ATP6V1H: variants seen among roughly 807,000 people sequenced by gnomAD.
The protein encoded by ATP6V1H is V-type proton ATPase subunit H.
Under a neutral mutation model 71.7 loss-of-function variants are expected in ATP6V1H, and 39 were observed. The ratio of observed to expected loss-of-function variants is 0.54; its 90% CI spans 0.42 to 0.71. The LOEUF is 0.71. Ranked by LOEUF, ATP6V1H falls within the 30% of genes least tolerant of loss-of-function variation. The pLI, the probability that ATP6V1H is intolerant of heterozygous loss-of-function variation, is 0.00. For synonymous variants in ATP6V1H, 192 were observed against 199.3 expected, an observed-to-expected ratio of 0.96 and a Z score of 0.31; for missense variants, 509 against 594.9, an observed-to-expected ratio of 0.86 and a Z score of 1.50.
At chr8:53,792,555 G>A (rs4236945) in intron 9 of ATP6V1H, among the ~76,000 whole-genome samples, 13,670 of 152,038 alleles carry the variant, frequency 0.09, 953 homozygotes, top group East Asian at 0.37. Context: ...TCCTTTTCAC[G>A]TTTCCCCCTT....
At chr8:53,755,592 A>G (rs1807983628) in intron 12 of ATP6V1H, among the ~76,000 whole-genome samples, 1 of 146,170 alleles carries the variant, frequency 6.8e-6, no homozygotes, top group Admixed American at 6.8e-5. Flanking sequence ...TACAAATAGT[A>G]AGACAAAAAA....
At chr8:53,769,034 G>C (rs1336030808) in intron 11 of ATP6V1H, among the ~76,000 whole-genome samples, 1 of 151,996 alleles carries the variant, frequency 6.6e-6, no homozygotes, top group Non-Finnish European at 1.5e-5. Flanking sequence ...AAATGGGGCT[G>C]GTTCAATTAG....
At chr8:53,732,290 C>G (rs908453054) in intron 13 of ATP6V1H, among the ~76,000 whole-genome samples, 1 of 152,052 alleles carries the variant, frequency 6.6e-6, no homozygotes, top group Non-Finnish European at 1.5e-5. Context: ...AGTAAGCCCA[C>G]CCTGCTAGGA....
chr8:53,841,673 G>C lies in ATP6V1H; in HGVS notation c.18C>G (p.Ile6Met). The C allele has an allele frequency of 6.2e-7, 1 of 1,613,750 alleles. No homozygotes were observed. Among genetic ancestry groups the C allele is most frequent in the South Asian group, 1.1e-5 (1 of 91,036 alleles). The change falls in exon 2 of 14, where the codon ATC becomes ATG. Residue 6 changes from isoleucine to methionine, a missense_variant. Around this residue, in one of 2 missense-constraint regions of ATP6V1H, gnomAD observed 297 missense variants for 303.3 expected, o/e 0.98. Coordinates refer to ENST00000359530, the MANE Select transcript of ATP6V1H (RefSeq NM_015941.4). MTKMD[I>M]RGAVDAAVPT... ...GGACAGCAGCATCCACAGCACCTCG[G>C]ATATCCATTTTGGTCATCTAAACTT...
chr8:53,717,608 G>C (rs983105272), intron 13 of ATP6V1H, among the ~76,000 whole-genome samples: 4 of 152,166 alleles, frequency 2.6e-5, no homozygotes, highest in African/African-American at 7.2e-5. Flanking sequence ...AAGGCTGAAA[G>C]GGAAGCCATC....
intron 9 of ATP6V1H, among the ~76,000 whole-genome samples, chr8:53,784,889 G>A (rs1331245162): frequency 6.6e-6 from 1 of 152,180 alleles, no homozygotes; most frequent in African/African-American, 2.4e-5. Flanking sequence ...TGCTTGTAGA[G>A]TTTCTGCCGA....
intron 13 of ATP6V1H, among the ~76,000 whole-genome samples, chr8:53,741,454 AAAATAAAACT>A (rs1400820208): frequency 6.6e-6 from 1 of 152,256 alleles, no homozygotes; most frequent in African/African-American, 2.4e-5. Flanking sequence ...ACACAATGGG[AAAATAAAACT>A]TTGACTTTCA....
At chr8:53,836,186 T>G (rs1201990500) in intron 2 of ATP6V1H, among the ~76,000 whole-genome samples, 1 of 152,138 alleles carries the variant, frequency 6.6e-6, no homozygotes, top group Non-Finnish European at 1.5e-5. Flanking sequence ...AGCACACTGA[T>G]AAACCTGAAC....
intron 12 of ATP6V1H, chr8:53,756,245 CT>C (rs201116200): frequency 0.088 from 11,421 of 130,280 alleles, 564 homozygotes; most frequent in East Asian, 0.35. Context: ...TAATTTTTTT[CT>C]TTTTTTTTTT....
intron 12 of ATP6V1H, among the ~76,000 whole-genome samples, chr8:53,755,744 A>C (rs371433553): frequency 2.4e-4 from 1 of 4,100 alleles, no homozygotes; most frequent in African/African-American, 9.3e-4. Flanking sequence ...ATATATATAT[A>C]TTTTTTTTTT....
chr8:53,719,472 T>G (rs958148866), intron 13 of ATP6V1H, among the ~76,000 whole-genome samples: 13 of 152,216 alleles, frequency 8.5e-5, no homozygotes, highest in Non-Finnish European at 1.0e-4. Context: ...TAAAATACTA[T>G]AGCTTGCTCC....
intron 11 of ATP6V1H, 107 bp from the exon 12 acceptor site, chr8:53,756,763 T>C (rs1241594598): frequency 3.0e-6 from 2 of 671,996 alleles, no homozygotes; most frequent in African/African-American, 3.6e-5. Context: ...CATTTATTAA[T>C]ATATTCATAT....
intron 9 of ATP6V1H, among the ~76,000 whole-genome samples, chr8:53,778,343 T>C (rs1323303374): frequency 6.6e-6 from 1 of 152,198 alleles, no homozygotes; most frequent in Non-Finnish European, 1.5e-5. Flanking sequence ...TTGGGAACAT[T>C]TGAATTATTA....
At chr8:53,791,206 A>C (rs1284348392) in intron 9 of ATP6V1H, among the ~76,000 whole-genome samples, 1 of 152,198 alleles carries the variant, frequency 6.6e-6, no homozygotes, top group Non-Finnish European at 1.5e-5. Flanking sequence ...AAGAAGAATC[A>C]GCTCTTATTC....
intron 12 of ATP6V1H, among the ~76,000 whole-genome samples, chr8:53,750,430 A>G (rs1415803655): frequency 6.6e-6 from 1 of 152,234 alleles, no homozygotes; most frequent in Non-Finnish European, 1.5e-5. Context: ...CTCACTTAAC[A>G]TCAATAGGTT....
At chr8:53,840,454 C>T (rs944541881) in intron 2 of ATP6V1H, among the ~76,000 whole-genome samples, 7 of 151,814 alleles carry the variant, frequency 4.6e-5, no homozygotes, top group Non-Finnish European at 1.0e-4. Flanking sequence ...GCCAAGACTG[C>T]CCCACTGTAC....
intron 7 of ATP6V1H, among the ~76,000 whole-genome samples, chr8:53,803,108 G>A (rs960752674): frequency 6.6e-6 from 1 of 152,158 alleles, no homozygotes; most frequent in African/African-American, 2.4e-5. Context: ...AGGCCAAGGC[G>A]GGTGGATCAC....
Position 53,843,223 on chromosome 8 carries a change from G to GT in ATP6V1H, c.-226dup, listed in dbSNP as rs1811402070. 6.6e-6 allele frequency: 1 copy of GT among 152,424 alleles called. No homozygotes were observed. The highest frequency in any genetic ancestry group is 2.1e-4 in the South Asian group (1 of 4,832). The allele number at this position is 152,424 out of a possible 1,614,324, so 9.4% of individuals were successfully genotyped here. ...GAAGCGGGTCCCGCACCAAGGAGACGTTGAGGGCCGCACAGGTAGAAGGAA... is the reference window on the plus strand; with the variant it reads ...GAAGCGGGTCCCGCACCAAGGAGACGTTTGAGGGCCGCACAGGTAGAAGGAA... On this transcript the variant is annotated 5_prime_UTR_variant, in exon 1 of 14. Transcript: ENST00000359530.
chr8:53,798,796 C>T (rs982544114), intron 8 of ATP6V1H, among the ~76,000 whole-genome samples: 23 of 152,144 alleles, frequency 1.5e-4, no homozygotes, highest in Non-Finnish European at 3.4e-4. Context: ...CTGATTACTG[C>T]TAATCTTATT....
Sources: allele counts gnomAD v4.1 joint callset (sites outside exome capture counted in the v4.1 genomes callset), GRCh38; gene constraint gnomAD v4.1.1; regional missense constraint gnomAD v4.1.1; transcripts MANE v1.5; gene names NCBI Gene and HGNC (gene_info 2026-07-23, HGNC 2026-07-21).